Variants in TAB1 observed in about 807,000 individuals in gnomAD.
TAB1 encodes the protein TGF-beta activated kinase 1 (MAP3K7) binding protein 1.
In TAB1, 30 loss-of-function variants were observed where a neutral mutation model predicts 54.5. The observed-to-expected ratio is 0.55, with a 90% CI of 0.41 to 0.75. TAB1 has a LOEUF of 0.75. Among genes scored for constraint, TAB1 ranks in the 30% least tolerant of loss-of-function variants. The pLI, the probability that TAB1 is intolerant of heterozygous loss-of-function variation, is 0.00. For missense variants in TAB1, 609 were observed against 683.2 expected, an observed-to-expected ratio of 0.89 and a Z score of 1.21; for synonymous variants, 289 against 286.9, an observed-to-expected ratio of 1.01 and a Z score of -0.07.
chr22:39,422,154 A>G (rs1360029404), intron 8 of TAB1, among the ~76,000 whole-genome samples, 183 bp downstream of exon 8: 1 of 152,092 alleles, frequency 6.6e-6, no homozygotes, highest in East Asian at 1.9e-4. Flanking sequence ...AACTTGACTC[A>G]TTTTAGGCTT....
rs1407795169 is a variant in TAB1, at chr22:39,430,108, C to G, written c.1401C>G (p.Ala467=). ...SDGGLFRSRP[A]HSLPPGEDGR... ...GAGGCCTCTTCCGCTCCCGGCCCGCCCACTCGCTCCCGCCTGGCGAGGACG... is the reference window on the plus strand; with the variant it reads ...GAGGCCTCTTCCGCTCCCGGCCCGCGCACTCGCTCCCGCCTGGCGAGGACG... Residue 467 remains alanine (A), a synonymous_variant, in exon 11 of 11, where the codon GCC becomes GCG. Transcript: ENST00000216160. The G allele has an allele frequency of 3.1e-6, 5 of 1,613,982 alleles. No homozygotes were observed. Among genetic ancestry groups the G allele is most frequent in the Admixed American group, 3.3e-5 (2 of 60,004 alleles).
At chr22:39,423,536 T>TG (rs1270947575) in intron 8 of TAB1, among the ~76,000 whole-genome samples, 3 of 151,954 alleles carry the variant, frequency 2.0e-5, no homozygotes, top group Non-Finnish European at 4.4e-5. Context: ...ACCCGGGAGG[T>TG]GGAGGTTGCA....
chr22:39,403,688 G>T (rs1293992723), intron 1 of TAB1, among the ~76,000 whole-genome samples: 1 of 150,670 alleles, frequency 6.6e-6, no homozygotes, highest in Non-Finnish European at 1.5e-5. Context: ...GCCCAGGCTG[G>T]AGTGCAGTGG....
intron 7 of TAB1, among the ~76,000 whole-genome samples, chr22:39,420,665 A>G (rs1201596413): frequency 6.6e-6 from 1 of 152,006 alleles, no homozygotes; most frequent in African/African-American, 2.4e-5. Context: ...CAGGGAAAGG[A>G]AGTCTTCCTA....
chr22:39,436,708 C>G (rs1927800297), downstream of TAB1: 2 of 665,300 alleles, frequency 3.0e-6, no homozygotes, highest in Non-Finnish European at 5.2e-6. Flanking sequence ...GGCAGACCCC[C>G]TCCCTCATGC....
At position 39,399,832 on chromosome 22, in the gene TAB1, G is replaced by A. The variant is rs1415810621; in HGVS notation, c.30G>A (p.Gln10=). The A allele has an allele frequency of 4.4e-6, 7 of 1,597,450 alleles. No individual in the cohort carries two copies. Among genetic ancestry groups the A allele is most frequent in the Non-Finnish European group, 5.1e-6 (6 of 1,172,494 alleles). MAAQRRSLL[Q]SEQQPSWTDD... ...CGGCGCAGAGGAGGAGCTTGCTGCA[G>A]AGTGTGAGGAACAGGCCCGCTCTCT... The change falls in exon 1 of 11, where the codon CAG becomes CAA. Residue 10 remains glutamine (Q), a synonymous_variant. Transcript: ENST00000216160.
chr22:39,401,066 ACTC>A (rs1192175198), intron 1 of TAB1, among the ~76,000 whole-genome samples: 10 of 151,578 alleles, frequency 6.6e-5, no homozygotes, highest in Admixed American at 5.3e-4. Flanking sequence ...ACGAAAGTAA[ACTC>A]CTTGAGGACA....
At chr22:39,432,643 CGAGA>C (rs142123452), downstream of TAB1, 160 of 641,032 alleles carry the variant, frequency 2.5e-4, no homozygotes, top group Non-Finnish European at 2.9e-4. Context: ...CCCTGCCACC[CGAGA>C]GAGAGAGAGA....
chr22:39,426,656 A>C, intron 8 of TAB1, 47 bp from the exon 9 acceptor site: 1 of 1,525,008 alleles, frequency 6.6e-7, no homozygotes, highest in Non-Finnish European at 8.9e-7. Flanking sequence ...CATGCCCCCC[A>C]GGCCGCACCT....
At chr22:39,420,330 G>T (rs995847941) in intron 7 of TAB1, among the ~76,000 whole-genome samples, 7 of 152,246 alleles carry the variant, frequency 4.6e-5, no homozygotes, top group African/African-American at 1.4e-4. Context: ...TGGTCATGGG[G>T]CTTGAACACA....
intron 1 of TAB1, chr22:39,414,769 T>G: frequency 3.9e-6 from 2 of 513,688 alleles, no homozygotes; most frequent in Non-Finnish European, 7.0e-6. Flanking sequence ...GCGCCTTACA[T>G]TTGGGAATGG....
At chr22:39,436,778 C>T (rs1157951703), downstream of TAB1, 34 of 584,774 alleles carry the variant, frequency 5.8e-5, no homozygotes, top group Non-Finnish European at 1.8e-5. Context: ...ACCCAGCTCA[C>T]TCTCATCTTC....
chr22:39,422,070 T>C, intron 8 of TAB1, 99 bp downstream of exon 8: 1 of 1,099,098 alleles, frequency 9.1e-7, no homozygotes, highest in East Asian at 3.1e-5. Flanking sequence ...TCGGAGGCCG[T>C]CACCAGACAT....
chr22:39,401,021 C>T (rs1464703586), intron 1 of TAB1, among the ~76,000 whole-genome samples: 1 of 123,742 alleles, frequency 8.1e-6, no homozygotes, highest in Non-Finnish European at 1.6e-5. Flanking sequence ...AGCGACAGAG[C>T]GAGACTGTGT....
chr22:39,420,337 C>A (rs1927014048), intron 7 of TAB1, among the ~76,000 whole-genome samples: 1 of 152,228 alleles, frequency 6.6e-6, no homozygotes, highest in Non-Finnish European at 1.5e-5. Flanking sequence ...GGGGCTTGAA[C>A]ACAGGCAGCC....
chr22:39,430,468 G>A lies in TAB1; in HGVS notation c.*246G>A, dbSNP rs764514395. 306 of 1,394,848 alleles carry A rather than the reference G, an allele frequency of 2.2e-4. No homozygotes were observed. The highest frequency in any genetic ancestry group is 2.6e-4 in the Non-Finnish European group (274 of 1,073,098). The allele number at this position is 1,394,848 out of a possible 1,614,324, so 86.4% of individuals were successfully genotyped here. ...CCAGATGGCCTCAGCCAGGACCATCGCCCTTTCTCAGAGCAGAGGGCCAGG... is the reference window on the plus strand; with the variant it reads ...CCAGATGGCCTCAGCCAGGACCATCACCCTTTCTCAGAGCAGAGGGCCAGG... On this transcript the variant is annotated 3_prime_UTR_variant, in exon 11 of 11. Coordinates refer to ENST00000216160, the MANE Select transcript of TAB1 (RefSeq NM_006116.3).
chr22:39,426,363 C>T (rs1016785049), intron 8 of TAB1, among the ~76,000 whole-genome samples: 9 of 152,030 alleles, frequency 5.9e-5, no homozygotes, highest in African/African-American at 2.2e-4. Context: ...ATAATAATGA[C>T]ACTTGCTACT....
intron 7 of TAB1, among the ~76,000 whole-genome samples, chr22:39,420,775 C>CTGTGTGTGTGTG (rs71326771): frequency 3.3e-3 from 240 of 71,826 alleles, no homozygotes; most frequent in East Asian, 5.7e-3. Context: ...CACGGTGTCT[C>CTGTGTGTGTGTG]TGTGTGTGTG....
chr22:39,429,248 AG>A, intron 10 of TAB1: 1 of 985,270 alleles, frequency 1.0e-6, no homozygotes, highest in Non-Finnish European at 1.2e-6. Context: ...TGATGAGAAG[AG>A]ATTGAAGGGG....
Sources: gnomAD v4.1 joint callset for allele counts (sites outside exome capture counted in the v4.1 genomes callset) on GRCh38, gnomAD v4.1.1 for gene constraint, MANE v1.5 for transcripts, NCBI Gene and HGNC (gene_info 2026-07-23, HGNC 2026-07-21) for gene names.